Variants in CNGA1 observed in about 807,000 individuals in gnomAD.
The protein encoded by CNGA1 is cyclic nucleotide gated channel subunit alpha 1.
A neutral mutation model predicts 69.7 loss-of-function variants in CNGA1; 53 were observed. The observed-to-expected ratio is 0.76, with a 90% CI of 0.61 to 0.96. The LOEUF (loss-of-function observed/expected upper bound fraction) is 0.96, where lower values mean the gene tolerates loss of function less well. Among genes scored for constraint, CNGA1 ranks in the 40% least tolerant of loss-of-function variants. The probability of loss-of-function intolerance (pLI) is 0.00; values close to 1 mark genes in which losing one functional copy is unlikely to be tolerated. For synonymous variants in CNGA1, 249 were observed against 283.5 expected (o/e 0.88, Z 1.22); for missense variants, 739 against 811.2 (o/e 0.91, Z 1.08).
intron 2 of CNGA1, among the ~76,000 whole-genome samples, chr4:48,010,435 A>C (rs1715102914): frequency 6.6e-6 from 1 of 152,134 alleles, no homozygotes; most frequent in South Asian, 2.1e-4. Flanking sequence ...TTCCTTAAAA[A>C]CCCCAGAGAA....
chr4:47,940,886 A>G lies in CNGA1; in HGVS notation c.546-17T>C. The G allele has an allele frequency of 1.3e-6, 2 of 1,514,782 alleles. No homozygotes were observed. Among genetic ancestry groups the G allele is most frequent in the Non-Finnish European group, 1.8e-6 (2 of 1,095,652 alleles). 93.8% of individuals were successfully genotyped at this position (1,514,782 alleles called of 1,614,324 possible). ...AAACATGCTCTATAAAAAAAGAAAC[A>G]CTTGTATAAATAAAAAAGAAATGGG... On this transcript the variant is annotated splice_polypyrimidine_tract_variant and intron_variant, in intron 9 of 10. Coordinates refer to ENST00000514170, the MANE Select transcript of CNGA1 (RefSeq NM_001379270.1).
intron 1 of CNGA1, among the ~76,000 whole-genome samples, chr4:48,011,359 A>G (rs537138637): frequency 6.6e-6 from 1 of 152,038 alleles, no homozygotes; most frequent in South Asian, 2.1e-4. Flanking sequence ...AACAAAACAA[A>G]ACATGAAGGT....
intron 3 of CNGA1, among the ~76,000 whole-genome samples, chr4:47,974,548 G>T (rs556810072): frequency 6.6e-6 from 1 of 152,114 alleles, no homozygotes; most frequent in Non-Finnish European, 1.5e-5. Context: ...CCATTATTGG[G>T]CAGGGTGCAT....
intron 3 of CNGA1, among the ~76,000 whole-genome samples, chr4:47,966,068 C>A (rs1740708862): frequency 6.6e-6 from 1 of 152,188 alleles, no homozygotes; most frequent in African/African-American, 2.4e-5. Context: ...CACAAAAATT[C>A]CTCACTTAAG....
intron 3 of CNGA1, among the ~76,000 whole-genome samples, chr4:47,955,811 C>T (rs1740054874): frequency 6.6e-6 from 1 of 152,258 alleles, no homozygotes; most frequent in Non-Finnish European, 1.5e-5. Context: ...CTACAACCTC[C>T]TCTGGAAGGG....
At chr4:47,938,060 C>T (rs1738789274) in intron 10 of CNGA1, among the ~76,000 whole-genome samples, 1 of 151,718 alleles carries the variant, frequency 6.6e-6, no homozygotes, top group Non-Finnish European at 1.5e-5. Context: ...ATCTGTAATC[C>T]CAGTGCTTTG....
chr4:47,957,449 A>G (rs567188442), intron 3 of CNGA1, among the ~76,000 whole-genome samples: 4 of 152,118 alleles, frequency 2.6e-5, no homozygotes, highest in African/African-American at 7.2e-5. Flanking sequence ...CATCTCTACA[A>G]AATAAAAATA....
chr4:47,939,831 CTGAACACGCTAGCAA>C (rs1443903755), intron 10 of CNGA1, among the ~76,000 whole-genome samples: 1 of 152,116 alleles, frequency 6.6e-6, no homozygotes, highest in Non-Finnish European at 1.5e-5. Context: ...GGAAGGTTTC[CTGAACACGCTAGCAA>C]TGTGCCTAAT....
At chr4:47,983,401 C>G (rs1036930367) in intron 2 of CNGA1, among the ~76,000 whole-genome samples, 4 of 151,828 alleles carry the variant, frequency 2.6e-5, no homozygotes, top group African/African-American at 4.8e-5. Context: ...CCAGCCTGAC[C>G]AACATGAGGA....
At chr4:47,971,035 G>T (rs567023868) in intron 3 of CNGA1, 46 of 454,766 alleles carry the variant, frequency 1.0e-4, no homozygotes, top group African/African-American at 6.6e-4. Flanking sequence ...AATCTGGGAG[G>T]TGAAGACTGC....
At chr4:47,997,646 A>G (rs1210980352) in intron 2 of CNGA1, among the ~76,000 whole-genome samples, 1 of 152,158 alleles carries the variant, frequency 6.6e-6, no homozygotes, top group East Asian at 1.9e-4. Flanking sequence ...TATTGTGATA[A>G]TCAAGATTTT....
intron 2 of CNGA1, among the ~76,000 whole-genome samples, chr4:47,984,884 C>A (rs1441016422): frequency 6.6e-6 from 1 of 151,968 alleles, no homozygotes; most frequent in Non-Finnish European, 1.5e-5. Flanking sequence ...ATGTGGAAGA[C>A]CTTTTTGTTT....
At chr4:47,991,532 ATTTG>A (rs1742270096) in intron 2 of CNGA1, among the ~76,000 whole-genome samples, 1 of 151,586 alleles carries the variant, frequency 6.6e-6, no homozygotes, top group African/African-American at 2.4e-5. Flanking sequence ...TTTCTTGCTG[ATTTG>A]TTTGACTTCA....
At position 47,936,800 on chromosome 4, in the gene CNGA1, A is replaced by C. The variant is rs778592209; in HGVS notation, c.1682T>G (p.Ile561Ser). The C allele has an allele frequency of 6.2e-7, 1 of 1,614,126 alleles. No homozygotes were observed. Among genetic ancestry groups the C allele is most frequent in the Non-Finnish European group, 8.5e-7 (1 of 1,180,020 alleles). The change falls in exon 11 of 11, where the codon ATT becomes AGT. Residue 561 changes from isoleucine (I) to serine (S), a missense_variant. Ile to Ser is a moderately radical substitution (Grantham distance 142). Coordinates refer to ENST00000514170, the MANE Select transcript of CNGA1 (RefSeq NM_001379270.1). ...CAGGTCTGAGTAGCCAATACTTTTAATATTGGCCGTTCTTCGATTGCCAGC... is the reference window on the plus strand; with the variant it reads ...CAGGTCTGAGTAGCCAATACTTTTACTATTGGCCGTTCTTCGATTGCCAGC... The part of the protein sequence containing the change: ...SKAGNRRTAN[I>S]KSIGYSDLFC...
chr4:48,009,188 T>C (rs1715041398), intron 2 of CNGA1, among the ~76,000 whole-genome samples: 2 of 152,174 alleles, frequency 1.3e-5, no homozygotes, highest in African/African-American at 4.8e-5. Context: ...ATTTTACAGC[T>C]GGGCACAGTG....
chr4:48,005,497 G>T (rs1013578901), intron 2 of CNGA1, among the ~76,000 whole-genome samples: 1 of 152,194 alleles, frequency 6.6e-6, no homozygotes, highest in Non-Finnish European at 1.5e-5. Context: ...TTTTAAATTG[G>T]CTTTGATGGT....
chr4:47,937,578 A>G lies in CNGA1; in HGVS notation c.904T>C (p.Tyr302His), dbSNP rs534487862. ...TTCCAGTGGATAATGATGACGATATACATAACAAGGTTGGAAATCCTGAAG... is the reference window on the plus strand; with the variant it reads ...TTCCAGTGGATAATGATGACGATATGCATAACAAGGTTGGAAATCCTGAAG... ...NIFRISNLVMYIVIIIHWNAC... is the reference protein window; with the variant it reads ...NIFRISNLVMHIVIIIHWNAC... The change falls in exon 11 of 11, where the codon TAT (tyrosine) becomes CAT (histidine). Residue 302 changes from tyrosine (Y) to histidine (H), a missense_variant. Physicochemically the swap from Tyr to His is moderately conservative, Grantham distance 83. Transcript: ENST00000514170. 1.2e-6 allele frequency: 2 copies of G among 1,614,200 alleles called. No individual in the cohort carries two copies. The highest frequency in any genetic ancestry group is 2.2e-5 in the East Asian group (1 of 44,872).
At chr4:47,997,058 T>TG (rs1454036875) in intron 2 of CNGA1, among the ~76,000 whole-genome samples, 1 of 152,068 alleles carries the variant, frequency 6.6e-6, no homozygotes, top group Non-Finnish European at 1.5e-5. Context: ...AGATTCTGTC[T>TG]GAAAAAAAAC....
In CNGA1 at chr4:48,002,683, C is replaced by CA. The variant is rs34405949; in HGVS notation, c.-123+8110dup. ...GGTGGAGCCGTGGGTGTCAGACATG[C>CA]AAAAAAAAAAAAAAAACAAAAACAA... is the stretch of plus-strand genomic sequence containing the variant. On this transcript the variant is annotated intron_variant, in intron 2 of 10. Transcript: ENST00000514170. 3.6e-3 allele frequency among the ~76,000 whole-genome samples: 423 copies of CA among 117,700 alleles called. 3 individuals are homozygous for CA. Among genetic ancestry groups the CA allele is most frequent in the Non-Finnish European group, 5.3e-3 (298 of 56,556 alleles). 77.2% of individuals were successfully genotyped at this position (117,700 alleles called of 152,430 possible).
Sources: gnomAD v4.1 joint callset for allele counts (sites outside exome capture counted in the v4.1 genomes callset) on GRCh38, gnomAD v4.1.1 for gene constraint, MANE v1.5 for transcripts, NCBI Gene and HGNC (gene_info 2026-07-23, HGNC 2026-07-21) for gene names.